The following MALRD1 variants were observed in gnomAD, a reference collection of about 807,000 sequenced individuals.
MALRD1 encodes the protein MAM and LDL-receptor class A domain-containing protein 1.
In MALRD1, 247 loss-of-function variants were observed where a neutral mutation model predicts 242.1. That is an observed-to-expected ratio of 1.02 (90% confidence interval 0.92 to 1.13). The LOEUF is 1.13. Among genes scored for constraint, MALRD1 ranks in the 50% most tolerant of loss-of-function variants. MALRD1 has a pLI of 0.00. For synonymous variants in MALRD1, 995 were observed against 866.6 expected (o/e 1.15, Z -2.60); for missense variants, 2,989 against 2,533.1 (o/e 1.18, Z -3.86).
At chr10:19,530,474 T>C (rs1834360487) in intron 31 of MALRD1, among the ~76,000 whole-genome samples, 1 of 137,124 alleles carries the variant, frequency 7.3e-6, no homozygotes, top group Non-Finnish European at 1.5e-5. Flanking sequence ...TAAATAATTA[T>C]ATAATATTTA....
At chr10:19,268,385 CAT>C (rs1840054412) in intron 19 of MALRD1, among the ~76,000 whole-genome samples, 1 of 152,040 alleles carries the variant, frequency 6.6e-6, no homozygotes, top group African/African-American at 2.4e-5. Context: ...TCAATAAAAT[CAT>C]ACTAAACATA....
chr10:19,096,017 CAG>C (rs541825515), intron 4 of MALRD1, among the ~76,000 whole-genome samples: 60 of 152,270 alleles, frequency 3.9e-4, no homozygotes, highest in Admixed American at 1.6e-3. Flanking sequence ...AACTTTGAAA[CAG>C]AGCTGATGGT....
At chr10:19,589,986 A>G (rs1230137748) in intron 33 of MALRD1, among the ~76,000 whole-genome samples, 2 of 152,118 alleles carry the variant, frequency 1.3e-5, no homozygotes, top group East Asian at 1.9e-4. Context: ...ACCTTATAAC[A>G]TTTCCCTTGC....
intron 31 of MALRD1, among the ~76,000 whole-genome samples, chr10:19,508,926 A>G (rs542575078): frequency 6.6e-6 from 1 of 152,326 alleles, no homozygotes; most frequent in East Asian, 1.9e-4. Flanking sequence ...TTTGAAGATG[A>G]GTAGTCTTTT....
chr10:19,600,869 ATAAC>A (rs1329068421), intron 34 of MALRD1, among the ~76,000 whole-genome samples: 5 of 152,036 alleles, frequency 3.3e-5, no homozygotes, highest in African/African-American at 7.2e-5. Context: ...GATAGATGAA[ATAAC>A]TATTTTTGTT....
intron 28 of MALRD1, among the ~76,000 whole-genome samples, chr10:19,400,958 G>A (rs537079563): frequency 7.9e-5 from 12 of 152,250 alleles, no homozygotes; most frequent in African/African-American, 2.6e-4. Context: ...GGAGGTTGCA[G>A]TGAGCCAAGA....
At chr10:19,695,387 G>A (rs1833328656) in intron 38 of MALRD1, among the ~76,000 whole-genome samples, 1 of 152,034 alleles carries the variant, frequency 6.6e-6, no homozygotes, top group Non-Finnish European at 1.5e-5. Context: ...TTCTCACACT[G>A]CTAATAAAGA....
chr10:19,305,812 A>G (rs1158605619), intron 21 of MALRD1, among the ~76,000 whole-genome samples: 1 of 139,822 alleles, frequency 7.2e-6, no homozygotes, highest in Admixed American at 7.7e-5. Flanking sequence ...TATACTATCT[A>G]TTATGTATAT....
intron 35 of MALRD1, among the ~76,000 whole-genome samples, chr10:19,610,567 AC>A (rs1564482819): frequency 6.6e-6 from 1 of 151,982 alleles, no homozygotes. Context: ...ATCTCTTCAA[AC>A]TATGTGCAGA....
chr10:19,569,028 A>C (rs1836383074), intron 33 of MALRD1, among the ~76,000 whole-genome samples: 1 of 152,180 alleles, frequency 6.6e-6, no homozygotes, highest in African/African-American at 2.4e-5. Context: ...TATTTACAAT[A>C]AATTATGATT....
At chr10:19,702,827 G>A (rs573555553) in intron 38 of MALRD1, among the ~76,000 whole-genome samples, 5 of 152,116 alleles carry the variant, frequency 3.3e-5, no homozygotes, top group African/African-American at 9.7e-5. Context: ...TCACCCTCTC[G>A]AAATTAACCT....
At chr10:19,282,746 T>C (rs1840878704) in intron 20 of MALRD1, among the ~76,000 whole-genome samples, 1 of 152,178 alleles carries the variant, frequency 6.6e-6, no homozygotes, top group Non-Finnish European at 1.5e-5. Flanking sequence ...ATTGCTGCTT[T>C]AGAAGCTAAT....
chr10:19,687,896 T>C (rs975476057), intron 36 of MALRD1, among the ~76,000 whole-genome samples: 1 of 151,692 alleles, frequency 6.6e-6, no homozygotes, highest in African/African-American at 2.4e-5. Context: ...TTAATTATTA[T>C]TATTTATTTT....
intron 28 of MALRD1, among the ~76,000 whole-genome samples, chr10:19,422,995 A>G (rs1564326857): frequency 1.3e-5 from 2 of 152,124 alleles, no homozygotes; most frequent in Admixed American, 6.6e-5. Context: ...CGAGATTCTT[A>G]AGCCCTTGCA....
chr10:19,093,911 A>T lies in MALRD1; in HGVS notation c.597+5726A>T, dbSNP rs1451790351. Among the ~76,000 whole-genome samples, 2 of 99,584 alleles carry T rather than the reference A, an allele frequency of 2.0e-5. 1 individual carries two copies. Among genetic ancestry groups the T allele is most frequent in the East Asian group, 6.3e-4 (2 of 3,184 alleles). The allele number at this position is 99,584 out of a possible 152,430, so 65.3% of individuals were successfully genotyped here. On this transcript the variant is annotated intron_variant, in intron 4 of 39. Transcript: ENST00000454679. ...CTCCCAGTTAGGCTGCTCGGGGGTCAGGGGTCAGGGACCCACTTGAGGAGG... is the reference window on the plus strand; with the variant it reads ...CTCCCAGTTAGGCTGCTCGGGGGTCTGGGGTCAGGGACCCACTTGAGGAGG...
chr10:19,371,953 G>T (rs938969078), intron 26 of MALRD1, among the ~76,000 whole-genome samples: 2 of 152,074 alleles, frequency 1.3e-5, no homozygotes, highest in African/African-American at 4.8e-5. Context: ...GTATACAGAA[G>T]GTCTAAAGGG....
chr10:19,427,126 C>T (rs914930692), intron 28 of MALRD1, among the ~76,000 whole-genome samples: 7 of 152,090 alleles, frequency 4.6e-5, no homozygotes, highest in Non-Finnish European at 1.0e-4. Context: ...CATTTTTAAT[C>T]CTTAGAACAA....
At chr10:19,188,430 C>A (rs1005934516) in intron 14 of MALRD1, among the ~76,000 whole-genome samples, 4 of 152,046 alleles carry the variant, frequency 2.6e-5, no homozygotes, top group African/African-American at 7.2e-5. Flanking sequence ...TATATCTGAA[C>A]AAATTTTATT....
chr10:19,584,672 G>C (rs1272124592), intron 33 of MALRD1, among the ~76,000 whole-genome samples: 1 of 151,578 alleles, frequency 6.6e-6, no homozygotes, highest in Non-Finnish European at 1.5e-5. Context: ...GAATAGGTGT[G>C]GTGTGGTGCT....
Sources: allele counts gnomAD v4.1 joint callset (sites outside exome capture counted in the v4.1 genomes callset), GRCh38; gene constraint gnomAD v4.1.1; transcripts MANE v1.5; gene names NCBI Gene and HGNC (gene_info 2026-07-23, HGNC 2026-07-21).